EDIL3: variants seen among roughly 807,000 people sequenced by gnomAD.
EDIL3 encodes the protein EGF like and discoidin domains 3, also known as EGF-like repeat and discoidin I-like domain-containing protein 3.
Under a neutral mutation model 67.4 loss-of-function variants are expected in EDIL3, and 37 were observed. The observed-to-expected ratio is 0.55, with a 90% CI of 0.42 to 0.72. EDIL3 has a LOEUF of 0.72. Among genes scored for constraint, EDIL3 ranks in the 30% least tolerant of loss-of-function variants. The pLI is 0.00. For missense variants in EDIL3, 527 were observed against 586.3 expected (o/e 0.90, Z 1.04); for synonymous variants, 195 against 196.3 (o/e 0.99, Z 0.05).
Position 84,254,101 on chromosome 5 carries a change from G to C in EDIL3, c.179C>G (p.Ser60Cys). The change falls in exon 2 of 11, where the codon TCT becomes TGT. Residue 60 changes from serine to cysteine, a missense_variant. Coordinates refer to ENST00000296591, the MANE Select transcript of EDIL3 (RefSeq NM_005711.5). ...CPDGFTDPNC[S>C]SVVEVASDEE... is the part of the protein sequence containing the mutation. ...GCACTTACCAACCTCCACAACACTAGAACAGTTGGGGTCTGTGAAGCCATC... is the reference window on the plus strand; with the variant it reads ...GCACTTACCAACCTCCACAACACTACAACAGTTGGGGTCTGTGAAGCCATC... 1.9e-6 allele frequency: 3 copies of C among 1,607,574 alleles called. No homozygotes were observed. The highest frequency in any genetic ancestry group is 2.5e-6 in the Non-Finnish European group (3 of 1,177,240).
intron 1 of EDIL3, among the ~76,000 whole-genome samples, chr5:84,311,486 C>T (rs2112143065): frequency 6.6e-6 from 1 of 151,820 alleles, no homozygotes; most frequent in African/African-American, 2.4e-5. Flanking sequence ...TGGAGAAGGG[C>T]ATGCAAAAGG....
At chr5:84,284,184 GTTTAA>G (rs913157797) in intron 1 of EDIL3, among the ~76,000 whole-genome samples, 6 of 152,046 alleles carry the variant, frequency 3.9e-5, no homozygotes, top group Middle Eastern at 3.2e-3. Flanking sequence ...CATTTGGGTT[GTTTAA>G]TTTGTCTATT....
At chr5:84,267,825 G>A (rs1158914474) in intron 1 of EDIL3, among the ~76,000 whole-genome samples, 1 of 152,194 alleles carries the variant, frequency 6.6e-6, no homozygotes, top group Non-Finnish European at 1.5e-5. Context: ...GAAGCCTGAG[G>A]TTGCACATCT....
chr5:84,126,664 T>C (rs1747875041), intron 5 of EDIL3, among the ~76,000 whole-genome samples: 1 of 152,124 alleles, frequency 6.6e-6, no homozygotes, highest in Non-Finnish European at 1.5e-5. Context: ...GTTGCCTATA[T>C]TTGTAGTTGA....
At chr5:84,248,610 A>T (rs1744959777) in intron 2 of EDIL3, among the ~76,000 whole-genome samples, 2 of 152,140 alleles carry the variant, frequency 1.3e-5, no homozygotes, top group Admixed American at 1.3e-4. Flanking sequence ...CTTCTTAGAT[A>T]ATGTCTATCA....
chr5:84,320,346 T>G (rs541298601), intron 1 of EDIL3, among the ~76,000 whole-genome samples: 1 of 152,174 alleles, frequency 6.6e-6, no homozygotes, highest in African/African-American at 2.4e-5. Flanking sequence ...TTGACATCAC[T>G]AAAAGATTGT....
At chr5:84,367,299 C>G (rs1747759091) in intron 1 of EDIL3, among the ~76,000 whole-genome samples, 1 of 151,728 alleles carries the variant, frequency 6.6e-6, no homozygotes, top group African/African-American at 2.4e-5. Context: ...GAGACAGGGT[C>G]TTGCTCTGTC....
intron 1 of EDIL3, among the ~76,000 whole-genome samples, chr5:84,353,699 A>G (rs1747411814): frequency 6.6e-6 from 1 of 152,224 alleles, no homozygotes; most frequent in South Asian, 2.1e-4. Flanking sequence ...CACTTCAGTG[A>G]TGAGTCTGAC....
intron 2 of EDIL3, among the ~76,000 whole-genome samples, chr5:84,241,699 C>A (rs201479782): frequency 0.091 from 13,496 of 147,648 alleles, 673 homozygotes; most frequent in Middle Eastern, 0.15. Context: ...AAAAAAAAAA[C>A]AACCTGACAT....
chr5:84,119,844 C>T (rs1747739179), intron 5 of EDIL3, among the ~76,000 whole-genome samples: 1 of 151,936 alleles, frequency 6.6e-6, no homozygotes, highest in Admixed American at 6.6e-5. Flanking sequence ...AAACCATTTC[C>T]CCCCAAATTG....
intron 3 of EDIL3, among the ~76,000 whole-genome samples, chr5:84,209,926 T>C (rs932396053): frequency 2.0e-5 from 3 of 152,218 alleles, no homozygotes; most frequent in Non-Finnish European, 2.9e-5. Context: ...ACTGAGACAC[T>C]TGGCTCTTGT....
At chr5:84,076,273 G>C (rs929969608) in intron 6 of EDIL3, among the ~76,000 whole-genome samples, 2 of 152,200 alleles carry the variant, frequency 1.3e-5, no homozygotes, top group Non-Finnish European at 2.9e-5. Flanking sequence ...TATGCAGCTA[G>C]AAAAGAAGAG....
At chr5:84,041,907 A>C (rs1746133293) in intron 9 of EDIL3, among the ~76,000 whole-genome samples, 1 of 152,042 alleles carries the variant, frequency 6.6e-6, no homozygotes, top group African/African-American at 2.4e-5. Flanking sequence ...ACAAAGATTG[A>C]ACCTTTAATA....
chr5:84,002,860 G>A (rs1486760679), intron 9 of EDIL3, among the ~76,000 whole-genome samples: 2 of 152,108 alleles, frequency 1.3e-5, no homozygotes, highest in African/African-American at 4.8e-5. Flanking sequence ...TGGAGAGAAG[G>A]CCAGTTTCTC....
intron 1 of EDIL3, among the ~76,000 whole-genome samples, chr5:84,341,793 A>G (rs1450219832): frequency 1.3e-5 from 2 of 152,102 alleles, no homozygotes; most frequent in African/African-American, 4.8e-5. Flanking sequence ...CAAATTTCAT[A>G]TCAAAAACCC....
chr5:84,166,859 A>G (rs1217624529), intron 4 of EDIL3, among the ~76,000 whole-genome samples: 1 of 152,178 alleles, frequency 6.6e-6, no homozygotes, highest in African/African-American at 2.4e-5. Flanking sequence ...AATGATCACA[A>G]TGCAAAGGCC....
intron 1 of EDIL3, among the ~76,000 whole-genome samples, chr5:84,311,556 G>GT (rs1270076999): frequency 1.3e-3 from 192 of 145,894 alleles, no homozygotes; most frequent in Middle Eastern, 3.5e-3. Context: ...AGGGTGTCCA[G>GT]TTTTTTTTTT....
chr5:84,020,537 T>A (rs1471797456), intron 9 of EDIL3, among the ~76,000 whole-genome samples: 2 of 151,968 alleles, frequency 1.3e-5, no homozygotes, highest in Admixed American at 6.6e-5. Flanking sequence ...TCTTTAACTT[T>A]CAGGGGAATA....
intron 9 of EDIL3, among the ~76,000 whole-genome samples, chr5:83,981,765 A>G (rs983676305): frequency 2.6e-5 from 4 of 151,994 alleles, no homozygotes; most frequent in Non-Finnish European, 5.9e-5. Flanking sequence ...TACTTTTTGT[A>G]TTTCACATGA....
Sources: allele counts gnomAD v4.1 joint callset (sites outside exome capture counted in the v4.1 genomes callset), GRCh38; gene constraint gnomAD v4.1.1; transcripts MANE v1.5; gene names NCBI Gene and HGNC (gene_info 2026-07-23, HGNC 2026-07-21).